Variants in GFRA1 observed in about 807,000 individuals in gnomAD.
The protein encoded by GFRA1 is GDNF family receptor alpha 1.
In GFRA1, 16 loss-of-function variants were observed where a neutral mutation model predicts 51.6. The ratio of observed to expected loss-of-function variants is 0.31; its 90% confidence interval spans 0.21 to 0.47. The LOEUF (loss-of-function observed/expected upper bound fraction) is 0.47. Among genes scored for constraint, GFRA1 ranks in the 20% least tolerant of loss-of-function variants. The pLI is 1.00. For missense variants in GFRA1, 530 were observed against 594.3 expected, an observed-to-expected ratio of 0.89 and a Z score of 1.13; for synonymous variants, 270 against 241.3, an observed-to-expected ratio of 1.12 and a Z score of -1.10.
chr10:116,206,424 T>A (rs1181755608), intron 5 of GFRA1, among the ~76,000 whole-genome samples: 4 of 152,102 alleles, frequency 2.6e-5, no homozygotes, highest in Non-Finnish European at 5.9e-5. Context: ...TAAATGGCAG[T>A]GGGCCCGTCA....
intron 5 of GFRA1, among the ~76,000 whole-genome samples, chr10:116,136,832 C>T (rs1026982662): frequency 2.0e-5 from 3 of 152,028 alleles, no homozygotes; most frequent in Non-Finnish European, 4.4e-5. Flanking sequence ...TCCTTTAGCA[C>T]TAAGTGTGAT....
chr10:116,238,029 A>T (rs544558322), intron 4 of GFRA1, among the ~76,000 whole-genome samples: 32 of 152,288 alleles, frequency 2.1e-4, no homozygotes, highest in Admixed American at 5.9e-4. Flanking sequence ...AGACTCTGAA[A>T]ACCCTCAACT....
intron 6 of GFRA1, among the ~76,000 whole-genome samples, chr10:116,098,954 C>A (rs1377004937): frequency 6.6e-6 from 1 of 152,182 alleles, no homozygotes; most frequent in Non-Finnish European, 1.5e-5. Flanking sequence ...CGGCACATAT[C>A]CTGGCCCTAT....
At chr10:116,173,336 G>A (rs1961230639) in intron 5 of GFRA1, among the ~76,000 whole-genome samples, 1 of 152,142 alleles carries the variant, frequency 6.6e-6, no homozygotes, top group Non-Finnish European at 1.5e-5. Flanking sequence ...TCCTAAGGCT[G>A]TGTTGATTGG....
At chr10:116,147,459 C>A (rs2134119952) in intron 5 of GFRA1, among the ~76,000 whole-genome samples, 1 of 151,570 alleles carries the variant, frequency 6.6e-6, no homozygotes, top group South Asian at 2.1e-4. Context: ...CTTTTTTTTT[C>A]CTGGAAGACA....
intron 9 of GFRA1, among the ~76,000 whole-genome samples, chr10:116,081,416 T>C (rs1955844957): frequency 6.6e-6 from 1 of 152,254 alleles, no homozygotes; most frequent in Non-Finnish European, 1.5e-5. Context: ...ATTTAGGGAC[T>C]GATTTAATCT....
At chr10:116,171,711 A>G (rs1010345020) in intron 5 of GFRA1, among the ~76,000 whole-genome samples, 6 of 152,246 alleles carry the variant, frequency 3.9e-5, no homozygotes, top group African/African-American at 1.4e-4. Flanking sequence ...CTGCTGAGAC[A>G]GAAGCACATG....
intron 8 of GFRA1, 139 bp downstream of exon 8, chr10:116,093,563 G>T (rs2133892207): frequency 2.6e-6 from 2 of 767,922 alleles, no homozygotes; most frequent in East Asian, 5.2e-5. Context: ...AAGACAGACA[G>T]AGAGAGGAAG....
chr10:116,211,645 T>C lies in GFRA1; in HGVS notation c.419A>G (p.Asp140Gly), dbSNP rs1481465934. The C allele has an allele frequency of 1.9e-6, 3 of 1,550,242 alleles. No individual in the cohort carries two copies. The highest frequency in any genetic ancestry group is 3.9e-5 in the Admixed American group (2 of 50,964). The change falls in exon 5 of 11, where the codon GAT becomes GGT. Residue 140 changes from aspartate (D) to glycine (G), a missense_variant and splice_region_variant. By Grantham distance (94) the Asp-to-Gly change is moderately conservative. Coordinates refer to ENST00000355422, the MANE Select transcript of GFRA1 (RefSeq NM_005264.8). ...AGTGAACTTACCTTGCTGAAAAACA[T>C]CTGCCAAGAAAGAAGAAAAGTAGGG... The part of the protein sequence containing the change: ...DIFRVVPFIS[D>G]VFQQVEHIPK...
intron 9 of GFRA1, among the ~76,000 whole-genome samples, chr10:116,083,301 C>G (rs1406978364): frequency 6.6e-6 from 1 of 152,160 alleles, no homozygotes; most frequent in African/African-American, 2.4e-5. Context: ...AAATAAGCAC[C>G]TCTCTTTCCT....
intron 5 of GFRA1, among the ~76,000 whole-genome samples, chr10:116,162,558 C>T (rs1255149237): frequency 1.3e-5 from 2 of 152,202 alleles, no homozygotes; most frequent in Non-Finnish European, 2.9e-5. Flanking sequence ...GGCTCTGGAG[C>T]ATGTGAGTGC....
intron 4 of GFRA1, among the ~76,000 whole-genome samples, chr10:116,230,248 T>C (rs958983733): frequency 6.6e-6 from 1 of 152,222 alleles, no homozygotes; most frequent in Non-Finnish European, 1.5e-5. Context: ...GGCTCCTCTA[T>C]TCCAAGCACC....
chr10:116,271,890 C>T, intron 2 of GFRA1, 100 bp downstream of exon 2: 1 of 919,290 alleles, frequency 1.1e-6, no homozygotes, highest in Admixed American at 2.0e-5. Context: ...ATCCACCACA[C>T]CCGCGCCCCA....
At chr10:116,163,972 T>C (rs1358807124) in intron 5 of GFRA1, among the ~76,000 whole-genome samples, 3 of 152,154 alleles carry the variant, frequency 2.0e-5, no homozygotes, top group African/African-American at 7.2e-5. Flanking sequence ...GCTTCATAAA[T>C]GGTCCCATCG....
chr10:116,099,514 G>C lies in GFRA1; in HGVS notation c.771-2750C>G, dbSNP rs116097557. On this transcript the variant is annotated intron_variant, in intron 6 of 10. Transcript: ENST00000355422. ...AATAGCAATTAACCTCTGGTCTTCA[G>C]TACTTTCCAAAGAAAGAAAAGAGCT... Among the ~76,000 whole-genome samples, 138 of 152,266 alleles carry C rather than the reference G, an allele frequency of 9.1e-4. 1 individual carries two copies. Among genetic ancestry groups the C allele is most frequent in the African/African-American group, 3.2e-3 (132 of 41,546 alleles).
Position 116,061,858 on chromosome 10 carries a change from T to C in GFRA1, c.*2540A>G. The C allele has an allele frequency of 2.5e-6, 1 of 397,210 alleles. No individual in the cohort carries two copies. The highest frequency in any genetic ancestry group is 4.4e-6 in the Non-Finnish European group (1 of 225,680). The allele number at this position is 397,210 out of a possible 1,614,324, so 24.6% of individuals were successfully genotyped here. A position where few individuals can be genotyped will look rare whatever the true frequency, so the allele number is the denominator to read the frequency against. ...GTGTTTTAGGGTCACCGTGTCAAACTAAGATCACACTGAATGGCGGAAACC... is the reference window on the plus strand; with the variant it reads ...GTGTTTTAGGGTCACCGTGTCAAACCAAGATCACACTGAATGGCGGAAACC... On this transcript the variant is annotated 3_prime_UTR_variant, in exon 11 of 11. Coordinates refer to ENST00000355422, the MANE Select transcript of GFRA1 (RefSeq NM_005264.8).
At chr10:116,105,005 G>A (rs1296485498) in intron 6 of GFRA1, among the ~76,000 whole-genome samples, 1 of 152,156 alleles carries the variant, frequency 6.6e-6, no homozygotes, top group Non-Finnish European at 1.5e-5. Context: ...CAACAACCCT[G>A]TGCTGCATCA....
At chr10:116,139,603 T>C (rs962932972) in intron 5 of GFRA1, among the ~76,000 whole-genome samples, 3 of 152,210 alleles carry the variant, frequency 2.0e-5, no homozygotes, top group Non-Finnish European at 4.4e-5. Context: ...CAGAATCACA[T>C]TCAGCACAAG....
rs562211200 is a variant in GFRA1, at chr10:116,204,950, A to T, written c.433+6681T>A. ...AGGAGGAAAGTAACCACACCAGTGG[A>T]GAAACTTGACACACACTATTTCAGC... On this transcript the variant is annotated intron_variant, in intron 5 of 10. Transcript: ENST00000355422. 3.3e-5 allele frequency among the ~76,000 whole-genome samples: 5 copies of T among 152,312 alleles called. No individual in the cohort carries two copies. In the South Asian group the frequency reaches 1.0e-3, roughly 32 times the overall value.
Sources: gnomAD v4.1 joint callset for allele counts (sites outside exome capture counted in the v4.1 genomes callset) on GRCh38, gnomAD v4.1.1 for gene constraint, MANE v1.5 for transcripts, NCBI Gene and HGNC (gene_info 2026-07-23, HGNC 2026-07-21) for gene names.